Variants in CYP2C18 observed in about 807,000 individuals in gnomAD.
CYP2C18 encodes the protein cytochrome P450 2C18.
A neutral mutation model predicts 41.3 loss-of-function variants in CYP2C18; 38 were observed. The observed-to-expected ratio is 0.92, with a 90% CI of 0.71 to 1.21. The LOEUF (loss-of-function observed/expected upper bound fraction) is 1.21, where lower values mean the gene tolerates loss of function less well. Ranked by LOEUF, CYP2C18 falls within the 50% of genes most tolerant of loss-of-function variation. The pLI is 0.00. For synonymous variants in CYP2C18, 236 were observed against 210.0 expected (o/e 1.12, Z -1.07); for missense variants, 635 against 591.4 (o/e 1.07, Z -0.77).
chr10:94,692,368 GA>G (rs1847018519), intron 3 of CYP2C18, among the ~76,000 whole-genome samples: 1 of 150,622 alleles, frequency 6.6e-6, no homozygotes, highest in South Asian at 2.1e-4. Flanking sequence ...CAAAGGATAT[GA>G]GCAGACAATT....
intron 6 of CYP2C18, 68 bp downstream of exon 6, chr10:94,720,605 C>T: frequency 1.4e-6 from 2 of 1,435,784 alleles, no homozygotes; most frequent in South Asian, 1.3e-5. Context: ...TGCTATTGTC[C>T]TCAATCTTGT....
intron 7 of CYP2C18, among the ~76,000 whole-genome samples, chr10:94,729,941 C>G (rs1214045783): frequency 6.6e-6 from 1 of 152,072 alleles, no homozygotes; most frequent in African/African-American, 2.4e-5. Flanking sequence ...ACAACTGGTC[C>G]AAGTTGAAGA....
chr10:94,715,969 G>A (rs187010024), intron 5 of CYP2C18, among the ~76,000 whole-genome samples: 348 of 152,212 alleles, frequency 2.3e-3, no homozygotes, highest in African/African-American at 7.3e-3. Flanking sequence ...ATTTATTTGC[G>A]TAGAGGTGTT....
Position 94,706,956 on chromosome 10 carries a change from A to G in CYP2C18, c.815A>G (p.Glu272Gly). The change falls in exon 5 of 9, where the codon GAA (glutamate) becomes GGA (glycine). Residue 272 changes from glutamate (E) to glycine (G), a missense_variant. Glu to Gly is a moderately conservative substitution (Grantham distance 98). Coordinates refer to ENST00000285979, the MANE Select transcript of CYP2C18 (RefSeq NM_000772.3). Reference sequence around the variant, plus strand: ...ATTGATTGTTTCCTGATCAAAATGGAACAGGTAAAATGTTATTTGTTTGCC... The same window carrying G: ...ATTGATTGTTTCCTGATCAAAATGGGACAGGTAAAATGTTATTTGTTTGCC... ...DFIDCFLIKMEQEKHNQQSEF... is the reference protein window; with the variant it reads ...DFIDCFLIKMGQEKHNQQSEF... 6.2e-7 allele frequency: 1 copy of G among 1,606,220 alleles called. No individual in the cohort carries two copies.
chr10:94,708,299 G>A (rs1446294030), intron 5 of CYP2C18, among the ~76,000 whole-genome samples: 2 of 152,182 alleles, frequency 1.3e-5, no homozygotes, highest in African/African-American at 4.8e-5. Context: ...CTTCTCTACT[G>A]CTAGGTCAAT....
At chr10:94,710,191 C>A (rs984924007) in intron 5 of CYP2C18, among the ~76,000 whole-genome samples, 2 of 152,180 alleles carry the variant, frequency 1.3e-5, no homozygotes, top group Non-Finnish European at 2.9e-5. Flanking sequence ...GGCTGGCCTC[C>A]AACTGCTGGC....
intron 5 of CYP2C18, among the ~76,000 whole-genome samples, chr10:94,708,714 A>C (rs1847384434): frequency 6.6e-6 from 1 of 152,236 alleles, no homozygotes; most frequent in Non-Finnish European, 1.5e-5. Context: ...TCCTGAAAAG[A>C]CAACCATATG....
At chr10:94,707,078 G>C in intron 5 of CYP2C18, 118 bp downstream of exon 5, 1 of 670,842 alleles carries the variant, frequency 1.5e-6, no homozygotes, top group Non-Finnish European at 2.5e-6. Flanking sequence ...CATGTGTATA[G>C]ATCTGGATGA....
At chr10:94,728,223 GA>G (rs1847775026) in intron 7 of CYP2C18, among the ~76,000 whole-genome samples, 1 of 151,988 alleles carries the variant, frequency 6.6e-6, no homozygotes, top group Non-Finnish European at 1.5e-5. Flanking sequence ...GGTTTTGTTA[GA>G]ATTTTTTTTT....
chr10:94,687,614 A>G (rs559667945), intron 1 of CYP2C18, among the ~76,000 whole-genome samples, 156 bp from the exon 2 acceptor site: 2 of 152,338 alleles, frequency 1.3e-5, no homozygotes, highest in African/African-American at 4.8e-5. Flanking sequence ...TAAAACAATA[A>G]TCATCATCTT....
At position 94,706,802 on chromosome 10, in the gene CYP2C18, G is replaced by T; in HGVS notation, c.661G>T (p.Ala221Ser). 1 of 1,592,768 alleles carries T rather than the reference G, an allele frequency of 6.3e-7. No individual in the cohort carries two copies. Among genetic ancestry groups the T allele is most frequent in the African/African-American group, 1.4e-5 (1 of 74,054 alleles). Residue 221 changes from alanine (A) to serine (S), a missense_variant, in exon 5 of 9, where the codon GCT becomes TCT. Physicochemically the swap from Ala to Ser is moderately conservative, Grantham distance 99. Transcript: ENST00000285979. ...CTTTAAGGTCTGCAATAATTTCCCT[G>T]CTCTCATCGATTATCTCCCAGGAAG... The part of the protein sequence containing the change: ...PWIQVCNNFP[A>S]LIDYLPGSHN...
intron 3 of CYP2C18, among the ~76,000 whole-genome samples, chr10:94,692,901 C>A (rs1589793146): frequency 6.6e-6 from 1 of 151,992 alleles, no homozygotes; most frequent in East Asian, 1.9e-4. Context: ...AACCATCATT[C>A]TGAGCAAACT....
In CYP2C18 at chr10:94,733,449, T is replaced by A. The variant is rs569980214; in HGVS notation, c.1291+11T>A. On this transcript the variant is annotated intron_variant, in intron 8 of 8. Coordinates refer to ENST00000285979, the MANE Select transcript of CYP2C18 (RefSeq NM_000772.3). ...TGCCTTTCTCAGCAGGTAATAGATA[T>A]TCATTTCCATCTGTCCTTCAGGGCA... 3 of 1,612,762 alleles carry A rather than the reference T, an allele frequency of 1.9e-6. No individual in the cohort carries two copies. In the East Asian group the frequency reaches 6.7e-5, roughly 36 times the overall value.
chr10:94,706,887 A>G lies in CYP2C18; in HGVS notation c.746A>G (p.Lys249Arg). The stretch of plus-strand genomic sequence containing the variant: ...AAAAGTTATGTATTGGAGAGAATAA[A>G]AGAACATCAAGAATCCCTGGACATG... ...YIKSYVLERIKEHQESLDMNS... is the reference protein window; with the variant it reads ...YIKSYVLERIREHQESLDMNS... Residue 249 changes from lysine to arginine, a missense_variant, in exon 5 of 9, where the codon AAA becomes AGA. Coordinates refer to ENST00000285979, the MANE Select transcript of CYP2C18 (RefSeq NM_000772.3). The G allele has an allele frequency of 6.2e-7, 1 of 1,612,860 alleles. No homozygotes were observed. The highest frequency in any genetic ancestry group is 8.5e-7 in the Non-Finnish European group (1 of 1,179,320).
rs146383124 is a variant in CYP2C18 at position 94,703,438 on chromosome 10, G to A, written c.643-3346G>A. Among the ~76,000 whole-genome samples the A allele has an allele frequency of 1.1e-4, 16 of 152,338 alleles. No homozygotes were observed. In the East Asian group the frequency reaches 1.2e-3, roughly 11 times the overall value. ...ATTTCACAGATGCCATGCCCAGAGA[G>A]GAGGAGTCTAGAGAGACAGTCTGGC... On this transcript the variant is annotated intron_variant, in intron 4 of 8. Transcript: ENST00000285979.
chr10:94,733,271 T>C, intron 7 of CYP2C18, 26 bp from the exon 8 acceptor site: 1 of 1,606,054 alleles, frequency 6.2e-7, no homozygotes, highest in Non-Finnish European at 8.5e-7. Flanking sequence ...CTTTATAACT[T>C]AGTTTGTCTG....
chr10:94,735,200 C>A, intron 8 of CYP2C18, 63 bp from the exon 9 acceptor site: 2 of 1,483,538 alleles, frequency 1.3e-6, no homozygotes, highest in African/African-American at 1.4e-5. Context: ...TTACTGCATA[C>A]TCTTTGTGAC....
At chr10:94,685,299 G>T (rs1846866355) in intron 1 of CYP2C18, among the ~76,000 whole-genome samples, 1 of 152,070 alleles carries the variant, frequency 6.6e-6, no homozygotes, top group African/African-American at 2.4e-5. Flanking sequence ...CTCTCAAAGT[G>T]CTGGAATTAC....
Position 94,735,615 on chromosome 10 carries a change from C to A in CYP2C18, c.*171C>A. The A allele has an allele frequency of 1.5e-6, 1 of 651,604 alleles. No homozygotes were observed. Among genetic ancestry groups the A allele is most frequent in the East Asian group, 2.7e-5 (1 of 36,994 alleles). 40.4% of individuals were successfully genotyped at this position (651,604 alleles called of 1,614,324 possible). On this transcript the variant is annotated 3_prime_UTR_variant, in exon 9 of 9. Coordinates refer to ENST00000285979, the MANE Select transcript of CYP2C18 (RefSeq NM_000772.3). The stretch of plus-strand genomic sequence containing the variant: ...ATCCAACCTCCATTAAAGAGAGTTT[C>A]TTGGGTCACTTCCTAAATATATCTG...
Sources: gnomAD v4.1 joint callset for allele counts (sites outside exome capture counted in the v4.1 genomes callset) on GRCh38, gnomAD v4.1.1 for gene constraint, MANE v1.5 for transcripts, NCBI Gene and HGNC (gene_info 2026-07-23, HGNC 2026-07-21) for gene names.